Variants in MEAK7 observed in about 807,000 individuals in gnomAD.
MEAK7 encodes MTOR-associated protein MEAK7.
A neutral mutation model predicts 40.5 loss-of-function variants in MEAK7; 68 were observed. The ratio of observed to expected loss-of-function variants is 1.68; its 90% confidence interval spans 1.38 to 2.06. The LOEUF is 2.06. Among genes scored for constraint, MEAK7 ranks in the 30% most tolerant of loss-of-function variants. The pLI, the probability that MEAK7 is intolerant of heterozygous loss-of-function variation, is 0.00. For synonymous variants in MEAK7, 338 were observed against 231.9 expected (o/e 1.46, Z -4.16); for missense variants, 918 against 580.5 (o/e 1.58, Z -5.98).
At chr16:84,484,799 G>A (rs1229544621) in intron 5 of MEAK7, among the ~76,000 whole-genome samples, 2 of 152,216 alleles carry the variant, frequency 1.3e-5, no homozygotes, top group Non-Finnish European at 2.9e-5. Context: ...TTTGTACCAT[G>A]CGTGGTGTGA....
rs374702296 is a variant in MEAK7, at chr16:84,493,254, G to C, written c.384+2429C>G. On this transcript the variant is annotated intron_variant, in intron 3 of 7. Transcript: ENST00000343629. ...GTGTCTTTAACCATGGCTGTTCTAAGACTTTTGACATCCACAATTGTTTTA... is the reference window on the plus strand; with the variant it reads ...GTGTCTTTAACCATGGCTGTTCTAACACTTTTGACATCCACAATTGTTTTA... Among the ~76,000 whole-genome samples the C allele has an allele frequency of 3.3e-5, 5 of 152,184 alleles. No homozygotes were observed. In the East Asian group the frequency reaches 7.7e-4, roughly 23 times the overall value.
At chr16:84,490,479 T>A (rs1228517185) in intron 3 of MEAK7, among the ~76,000 whole-genome samples, 4 of 106,394 alleles carry the variant, frequency 3.8e-5, no homozygotes, top group Admixed American at 1.2e-4. Context: ...TTTTTTTTTT[T>A]ACCTCAACAG....
intron 3 of MEAK7, chr16:84,494,955 G>A (rs937890391): frequency 2.6e-6 from 1 of 387,076 alleles, no homozygotes; most frequent in African/African-American, 2.1e-5. Context: ...TAAGCAGACA[G>A]CTACAGATAA....
chr16:84,492,739 G>A (rs111950713), intron 3 of MEAK7, among the ~76,000 whole-genome samples: 15 of 152,110 alleles, frequency 9.9e-5, no homozygotes, highest in African/African-American at 2.7e-4. Flanking sequence ...GTGCCACCAC[G>A]CCTGGCCAAT....
Position 84,486,698 on chromosome 16 carries a change from C to G in MEAK7, c.891G>C (p.Glu297Asp), listed in dbSNP as rs1473322537. The change falls in exon 5 of 8, where the codon GAG (glutamate) becomes GAC (aspartate). Residue 297 changes from glutamate (E) to aspartate (D), a missense_variant. Coordinates refer to ENST00000343629, the MANE Select transcript of MEAK7 (RefSeq NM_020947.4). ...THRGPCVAVL[E>D]DHDKHVFGGF... Reference sequence around the variant, plus strand: ...CACCGAACACATGCTTGTCATGGTCCTCGAGGACAGCCACACAGGGTCCCC... The same window carrying G: ...CACCGAACACATGCTTGTCATGGTCGTCGAGGACAGCCACACAGGGTCCCC... The G allele has an allele frequency of 2.5e-6, 4 of 1,614,146 alleles. No homozygotes were observed.
At chr16:84,494,617 G>C (rs1418191264) in intron 3 of MEAK7, 3 of 337,230 alleles carry the variant, frequency 8.9e-6, no homozygotes, top group Admixed American at 8.5e-5. Context: ...GCCTATATGA[G>C]TTTTCCAGTG....
chr16:84,502,692 G>A (rs1914601894), intron 1 of MEAK7: 3 of 152,116 alleles, frequency 2.0e-5, no homozygotes, highest in South Asian at 4.2e-4. Context: ...GCAACATAGT[G>A]AGACTTCGTC....
At position 84,479,510 on chromosome 16, in the gene MEAK7, G is replaced by A. The variant is rs1316599769; in HGVS notation, c.*403C>T. 2 of 142,422 alleles carry A rather than the reference G, an allele frequency of 1.4e-5. No homozygotes were observed. The highest frequency in any genetic ancestry group is 3.0e-5 in the Non-Finnish European group (2 of 67,650). The allele number at this position is 142,422 out of a possible 1,614,324, so 8.8% of individuals were successfully genotyped here. ...CCTAATGCCAGCGGAATTCCCTAAT[G>A]CCAGCGGAATTCCCTAATGCCAGCG... On this transcript the variant is annotated 3_prime_UTR_variant, in exon 8 of 8. Transcript: ENST00000343629.
chr16:84,482,675 T>G lies in MEAK7; in HGVS notation c.994A>C (p.Ser332Arg). The change falls in exon 6 of 8, where the codon AGC (serine) becomes CGC (arginine). Residue 332 changes from serine (S) to arginine (R), a missense_variant. Ser to Arg is a moderately radical substitution (Grantham distance 110). Transcript: ENST00000343629. The stretch of plus-strand genomic sequence containing the variant: ...CCCGTGTGTGTGTACACAGCCATGC[T>G]GGGGCAGATGGAGAACAGGAAGCAT... The part of the protein sequence containing the change: ...NRCFLFSICP[S>R]MAVYTHTGYN... 1 of 1,614,232 alleles carries G rather than the reference T, an allele frequency of 6.2e-7. No homozygotes were observed. Among genetic ancestry groups the G allele is most frequent in the East Asian group, 2.2e-5 (1 of 44,882 alleles).
intron 3 of MEAK7, among the ~76,000 whole-genome samples, chr16:84,495,292 A>G (rs1913945702): frequency 6.6e-6 from 1 of 152,116 alleles, no homozygotes; most frequent in Non-Finnish European, 1.5e-5. Context: ...ATAAAATAAA[A>G]TCTCCACAGG....
chr16:84,490,443 CTTTTTTTTTTTTTTTT>C lies in MEAK7; in HGVS notation c.385-1037_385-1022del, dbSNP rs770073812. ...CTGGGCGGCTAAGTTTCTGCCCCGC[CTTTTTTTTTTTTTTTT>C]TTTTTTTTTTTTTTTTTTTTACCTC... On this transcript the variant is annotated intron_variant, in intron 3 of 7. Coordinates refer to ENST00000343629, the MANE Select transcript of MEAK7 (RefSeq NM_020947.4). Among the ~76,000 whole-genome samples, 259 of 93,872 alleles carry C rather than the reference CTTTTTTTTTTTTTTTT, an allele frequency of 2.8e-3. 7 individuals carry two copies. The highest frequency in any genetic ancestry group is 0.012 in the African/African-American group (228 of 18,666). 61.6% of individuals were successfully genotyped at this position (93,872 alleles called of 152,430 possible).
chr16:84,492,578 T>TTTATTTATTTATTTAG (rs1555513777), intron 3 of MEAK7, among the ~76,000 whole-genome samples: 1 of 150,868 alleles, frequency 6.6e-6, no homozygotes, highest in Non-Finnish European at 1.5e-5. Flanking sequence ...ATTTTATTTA[T>TTTATTTATTTATTTAG]TTATTTATTT....
At chr16:84,490,187 G>C (rs1412471552) in intron 3 of MEAK7, among the ~76,000 whole-genome samples, 1 of 151,552 alleles carries the variant, frequency 6.6e-6, no homozygotes, top group Admixed American at 6.6e-5. Flanking sequence ...CACTTGGTTT[G>C]ATCAACTCTA....
chr16:84,496,584 G>A (rs62050763), intron 2 of MEAK7, among the ~76,000 whole-genome samples: 9 of 152,136 alleles, frequency 5.9e-5, no homozygotes, highest in Admixed American at 2.6e-4. Flanking sequence ...ATCGTGAGCC[G>A]TATCAGTAGT....
Position 84,479,622 on chromosome 16 carries a change from C to T in MEAK7, c.*291G>A, listed in dbSNP as rs1484741572. ...TTAGGATTTCGTTGGTAAAAAAGAACAAAGTATAAGACTGAGTTACTAATT... is the reference window on the plus strand; with the variant it reads ...TTAGGATTTCGTTGGTAAAAAAGAATAAAGTATAAGACTGAGTTACTAATT... On this transcript the variant is annotated 3_prime_UTR_variant, in exon 8 of 8. Coordinates refer to ENST00000343629, the MANE Select transcript of MEAK7 (RefSeq NM_020947.4). The T allele has an allele frequency of 6.9e-6, 2 of 289,368 alleles. No individual in the cohort carries two copies. The highest frequency in any genetic ancestry group is 1.3e-5 in the Non-Finnish European group (2 of 157,112). 17.9% of individuals were successfully genotyped at this position (289,368 alleles called of 1,614,324 possible). A position where few individuals can be genotyped will look rare whatever the true frequency, so the allele number is the denominator to read the frequency against.
At chr16:84,482,481 G>C in intron 6 of MEAK7, 111 bp downstream of exon 6, 4 of 1,540,550 alleles carry the variant, frequency 2.6e-6, no homozygotes, top group Non-Finnish European at 3.5e-6. Flanking sequence ...GCGTGCGTGA[G>C]GAACTGAATG....
chr16:84,495,304 A>G (rs1403493889), intron 3 of MEAK7, among the ~76,000 whole-genome samples: 2 of 152,190 alleles, frequency 1.3e-5, no homozygotes, highest in Admixed American at 6.5e-5. Context: ...CTCCACAGGT[A>G]GTGACTATGC....
chr16:84,501,049 C>G (rs958382901), intron 1 of MEAK7, among the ~76,000 whole-genome samples: 1 of 143,748 alleles, frequency 7.0e-6, no homozygotes, highest in East Asian at 2.0e-4. Flanking sequence ...GAGCCGAGAC[C>G]ACGCCACTAC....
Position 84,481,185 on chromosome 16 carries a change from C to T in MEAK7, c.1078-477G>A, listed in dbSNP as rs553677395. Among the ~76,000 whole-genome samples, 5 of 152,330 alleles carry T rather than the reference C, an allele frequency of 3.3e-5. No individual in the cohort carries two copies. The South Asian group carries it at 8.3e-4, about 25-fold the overall frequency. On this transcript the variant is annotated intron_variant, in intron 6 of 7. Transcript: ENST00000343629. ...AACTCAGCTCCGAGTGTGTGGCTTA[C>T]AGGATGCGGAGGCAGACCCGGAGGC...
Sources: gnomAD v4.1 joint callset for allele counts (sites outside exome capture counted in the v4.1 genomes callset) on GRCh38, gnomAD v4.1.1 for gene constraint, MANE v1.5 for transcripts, NCBI Gene and HGNC (gene_info 2026-07-23, HGNC 2026-07-21) for gene names.